Variants in FAM133B observed in about 807,000 individuals in gnomAD.
FAM133B encodes protein FAM133B.
Under a neutral mutation model 46.4 loss-of-function variants are expected in FAM133B, and 25 were observed. The observed-to-expected ratio is 0.54, with a 90% CI of 0.39 to 0.75. FAM133B has a LOEUF of 0.75. Among genes scored for constraint, FAM133B ranks in the 30% least tolerant of loss-of-function variants. FAM133B has a pLI of 0.00. For missense variants in FAM133B, 205 were observed against 277.6 expected, an observed-to-expected ratio of 0.74 and a Z score of 1.86; for synonymous variants, 75 against 86.0, an observed-to-expected ratio of 0.87 and a Z score of 0.71.
chr7:92,581,011 G>T (rs1255329141), intron 2 of FAM133B, among the ~76,000 whole-genome samples: 1 of 152,162 alleles, frequency 6.6e-6, no homozygotes, highest in Non-Finnish European at 1.5e-5. Context: ...CCTGTTGTAT[G>T]TTGTCTCAGG....
At chr7:92,590,155 C>A in intron 1 of FAM133B, 113 bp downstream of exon 1, 1 of 1,544,792 alleles carries the variant, frequency 6.5e-7, no homozygotes, top group Non-Finnish European at 8.9e-7. Flanking sequence ...TCTCCAGGCC[C>A]CACGTCTGAG....
chr7:92,566,415 G>A (rs928662030), intron 9 of FAM133B, among the ~76,000 whole-genome samples: 26 of 151,966 alleles, frequency 1.7e-4, no homozygotes, highest in Non-Finnish European at 5.9e-5. Flanking sequence ...CTTGAGCCCA[G>A]GAGTTCAAGG....
At chr7:92,586,118 T>C (rs1272697278) in intron 1 of FAM133B, among the ~76,000 whole-genome samples, 3 of 152,224 alleles carry the variant, frequency 2.0e-5, no homozygotes, top group African/African-American at 7.2e-5. Context: ...AGGAAAATGC[T>C]AGTAAAGTAG....
intron 5 of FAM133B, 101 bp downstream of exon 5, chr7:92,578,049 G>A: frequency 9.9e-7 from 1 of 1,005,956 alleles, no homozygotes; most frequent in Non-Finnish European, 1.5e-6. Flanking sequence ...GACTCATCTG[G>A]AGTTTAAGCT....
intron 1 of FAM133B, among the ~76,000 whole-genome samples, chr7:92,584,082 C>T (rs1322454473): frequency 2.2e-5 from 3 of 136,110 alleles, no homozygotes; most frequent in Non-Finnish European, 3.1e-5. Context: ...AAGAAAGGGT[C>T]TTGCTCTTTT....
chr7:92,579,427 A>C lies in FAM133B; in HGVS notation c.123-32T>G, dbSNP rs756809299. 2.0e-6 allele frequency: 3 copies of C among 1,502,134 alleles called. No individual in the cohort carries two copies. The Admixed American group carries it at 6.2e-5, about 31-fold the overall frequency. The allele number at this position is 1,502,134 out of a possible 1,614,324, so 93.1% of individuals were successfully genotyped here. ...AAATAGAATGTACAAACAAAATTTC[A>C]AGCAATTCAAATTAGATAAATGCTT... On this transcript the variant is annotated intron_variant, in intron 2 of 10. Coordinates refer to ENST00000445716, the MANE Select transcript of FAM133B (RefSeq NM_152789.4).
chr7:92,566,179 CA>C (rs941095462), intron 9 of FAM133B, 118 bp from the exon 10 acceptor site: 26 of 889,392 alleles, frequency 2.9e-5, no homozygotes, highest in Non-Finnish European at 4.5e-5. Flanking sequence ...AACATTTTGA[CA>C]ATCACAGGAC....
intron 10 of FAM133B, among the ~76,000 whole-genome samples, chr7:92,563,093 A>G (rs1794208993): frequency 6.6e-6 from 1 of 152,194 alleles, no homozygotes; most frequent in Non-Finnish European, 1.5e-5. Context: ...ATACTTGGAA[A>G]GGTGGTACCA....
At chr7:92,585,979 A>C (rs537449616) in intron 1 of FAM133B, among the ~76,000 whole-genome samples, 1 of 152,208 alleles carries the variant, frequency 6.6e-6, no homozygotes, top group Non-Finnish European at 1.5e-5. Context: ...AAATTATAAC[A>C]TTTACCATGT....
chr7:92,568,846 C>T (rs1794446320), intron 9 of FAM133B, among the ~76,000 whole-genome samples: 1 of 152,168 alleles, frequency 6.6e-6, no homozygotes, highest in Non-Finnish European at 1.5e-5. Context: ...AAGCAACCTT[C>T]TTGCCTCAGC....
intron 9 of FAM133B, among the ~76,000 whole-genome samples, chr7:92,566,855 G>A (rs1794365430): frequency 6.6e-6 from 1 of 152,196 alleles, no homozygotes; most frequent in Non-Finnish European, 1.5e-5. Flanking sequence ...AAAATTCTAA[G>A]TAAGAATTAT....
intron 6 of FAM133B, 129 bp from the exon 7 acceptor site, chr7:92,577,324 T>TAA: frequency 1.8e-6 from 1 of 549,558 alleles, no homozygotes; most frequent in Non-Finnish European, 3.0e-6. Context: ...TTTTTCTTAA[T>TAA]ACTTAATACA....
chr7:92,573,571 C>T (rs894725867), intron 8 of FAM133B, among the ~76,000 whole-genome samples: 1 of 151,094 alleles, frequency 6.6e-6, no homozygotes, highest in Non-Finnish European at 1.5e-5. Flanking sequence ...GTGTATATTA[C>T]TCTGTATCTA....
intron 2 of FAM133B, among the ~76,000 whole-genome samples, chr7:92,580,765 T>G (rs1160601104): frequency 6.6e-6 from 1 of 152,234 alleles, no homozygotes; most frequent in African/African-American, 2.4e-5. Flanking sequence ...TATATTTACT[T>G]GGACATTTCT....
intron 1 of FAM133B, among the ~76,000 whole-genome samples, chr7:92,584,980 T>TAAACAAAACAAAACAAAACA (rs148386601): frequency 6.6e-6 from 1 of 151,460 alleles, no homozygotes; most frequent in Non-Finnish European, 1.5e-5. Flanking sequence ...TTGTCTCTAC[T>TAAACAAAACAAAACAAAACA]AAACAAAACA....
Position 92,581,584 on chromosome 7 carries a change from G to A in FAM133B, c.44C>T (p.Ala15Val), listed in dbSNP as rs1434069480. ...GATTGGACCCCTTGATCTCGCCATTGCTATTGGGTTCATATAGGCCTTGGG... is the reference window on the plus strand; with the variant it reads ...GATTGGACCCCTTGATCTCGCCATTACTATTGGGTTCATATAGGCCTTGGG... Reference protein sequence around the residue: ...DNRVAYMNPIAMARSRGPIQS... With the variant: ...DNRVAYMNPIVMARSRGPIQS... Residue 15 changes from alanine to valine, a missense_variant, in exon 2 of 11, where the codon GCA becomes GTA. Physicochemically the swap from Ala to Val is moderately conservative, Grantham distance 64. Transcript: ENST00000445716. The A allele has an allele frequency of 6.2e-7, 1 of 1,613,722 alleles. No individual in the cohort carries two copies. Among genetic ancestry groups the A allele is most frequent in the East Asian group, 2.2e-5 (1 of 44,858 alleles).
rs1794678393 is a variant in FAM133B at position 92,575,835 on chromosome 7, T to A, written c.466-14A>T. 3 of 1,178,216 alleles carry A rather than the reference T, an allele frequency of 2.5e-6. No homozygotes were observed. The highest frequency in any genetic ancestry group is 3.7e-6 in the Non-Finnish European group (3 of 805,398). The allele number at this position is 1,178,216 out of a possible 1,614,324, so 73.0% of individuals were successfully genotyped here. A position where few individuals can be genotyped will look rare whatever the true frequency, so the allele number is the denominator to read the frequency against. On this transcript the variant is annotated splice_polypyrimidine_tract_variant and intron_variant, in intron 7 of 10. Transcript: ENST00000445716. ...TTTTAAACTATCCTAAACAAAGAAA[T>A]ATATGTATCAATTTTAAATGCCAAG... is the stretch of plus-strand genomic sequence containing the variant.
At chr7:92,585,753 C>CA (rs1192158364) in intron 1 of FAM133B, among the ~76,000 whole-genome samples, 1 of 151,984 alleles carries the variant, frequency 6.6e-6, no homozygotes, top group Non-Finnish European at 1.5e-5. Context: ...TAAAGGAAAA[C>CA]ATCCATATTC....
intron 1 of FAM133B, among the ~76,000 whole-genome samples, chr7:92,582,203 C>A (rs571411989): frequency 6.6e-6 from 1 of 151,994 alleles, no homozygotes; most frequent in Admixed American, 6.6e-5. Context: ...GAGCTGAGAT[C>A]GTGCCACTGC....
Sources: gnomAD v4.1 joint callset for allele counts (sites outside exome capture counted in the v4.1 genomes callset) on GRCh38, gnomAD v4.1.1 for gene constraint, MANE v1.5 for transcripts, NCBI Gene and HGNC (gene_info 2026-07-23, HGNC 2026-07-21) for gene names.